ERC2: variants seen among roughly 807,000 people sequenced by gnomAD.
ERC2 encodes the protein ELKS/RAB6-interacting/CAST family member 2, also known as ERC protein 2.
A neutral mutation model predicts 114.8 loss-of-function variants in ERC2; 42 were observed. The observed-to-expected ratio is 0.37, with a 90% CI of 0.29 to 0.47. The LOEUF (loss-of-function observed/expected upper bound fraction) is 0.47. Ranked by LOEUF, ERC2 falls within the 20% of genes least tolerant of loss-of-function variation. The pLI is 0.99. For synonymous variants in ERC2, 454 were observed against 425.5 expected (o/e 1.07, Z -0.82); for missense variants, 939 against 1,150.7 (o/e 0.82, Z 2.66).
At chr3:55,865,313 A>G (rs1168088296) in intron 14 of ERC2, among the ~76,000 whole-genome samples, 2 of 152,190 alleles carry the variant, frequency 1.3e-5, no homozygotes, top group African/African-American at 4.8e-5. Flanking sequence ...GAGCTAAAAA[A>G]TGATTTTGAG....
chr3:56,200,433 G>A (rs558654064), intron 3 of ERC2, among the ~76,000 whole-genome samples: 23 of 151,248 alleles, frequency 1.5e-4, no homozygotes, highest in Middle Eastern at 3.5e-3. Flanking sequence ...AGATTAATCA[G>A]TTCCTCCCAC....
chr3:55,573,306 GTTAT>G (rs1370961104), intron 17 of ERC2, among the ~76,000 whole-genome samples: 1 of 152,210 alleles, frequency 6.6e-6, no homozygotes, highest in African/African-American at 2.4e-5. Flanking sequence ...GTTTTACGGG[GTTAT>G]TTGAGAATTG....
intron 17 of ERC2, among the ~76,000 whole-genome samples, chr3:55,665,044 T>C (rs1489912136): frequency 6.6e-6 from 1 of 152,200 alleles, no homozygotes; most frequent in African/African-American, 2.4e-5. Flanking sequence ...ACAGCCACAT[T>C]CTTCTGCAGT....
chr3:55,605,934 T>C (rs1335195668), intron 17 of ERC2, among the ~76,000 whole-genome samples: 1 of 152,106 alleles, frequency 6.6e-6, no homozygotes, highest in African/African-American at 2.4e-5. Context: ...AAAGCAAAAA[T>C]GCAACTCAAG....
At chr3:56,207,212 T>C (rs1302003522) in intron 3 of ERC2, among the ~76,000 whole-genome samples, 1 of 152,128 alleles carries the variant, frequency 6.6e-6, no homozygotes, top group Non-Finnish European at 1.5e-5. Flanking sequence ...ATTATGTCTA[T>C]TTCAATTCAA....
rs2051958266 is a variant in ERC2 at position 55,509,685 on chromosome 3, G to C, written c.*1631C>G. 1 of 152,544 alleles carries C rather than the reference G, an allele frequency of 6.6e-6. No individual in the cohort carries two copies. The highest frequency in any genetic ancestry group is 2.4e-5 in the African/African-American group (1 of 41,430). The allele number at this position is 152,544 out of a possible 1,614,324, so 9.4% of individuals were successfully genotyped here. A position where few individuals can be genotyped will look rare whatever the true frequency, so the allele number is the denominator to read the frequency against. The stretch of plus-strand genomic sequence containing the variant: ...GGTTTCATCTTCCCCGACAAATAAG[G>C]TGTTTGTCTTTTAAATATCTCTATG... On this transcript the variant is annotated 3_prime_UTR_variant, in exon 18 of 18. Transcript: ENST00000288221.
chr3:56,220,974 T>C (rs1191124394), intron 3 of ERC2, among the ~76,000 whole-genome samples: 1 of 152,188 alleles, frequency 6.6e-6, no homozygotes, highest in East Asian at 1.9e-4. Flanking sequence ...GGTACTCTTA[T>C]CAATGAAAAT....
intron 3 of ERC2, among the ~76,000 whole-genome samples, chr3:56,290,819 C>A (rs2055034550): frequency 6.6e-6 from 1 of 152,294 alleles, no homozygotes; most frequent in Admixed American, 6.5e-5. Context: ...ATTCATGTTA[C>A]CTCTTTCTCC....
intron 11 of ERC2, 128 bp from the exon 12 acceptor site, chr3:55,986,116 G>C: frequency 1.1e-6 from 1 of 895,964 alleles, no homozygotes; most frequent in Non-Finnish European, 1.7e-6. Context: ...TATATCAGCA[G>C]GTTTATAACT....
intron 14 of ERC2, among the ~76,000 whole-genome samples, chr3:55,815,666 A>G (rs2059879466): frequency 6.6e-6 from 1 of 152,122 alleles, no homozygotes; most frequent in Non-Finnish European, 1.5e-5. Context: ...GATAATAAAC[A>G]TGTGATATTT....
rs374981264 is a variant in ERC2, at chr3:55,725,633, TG to T, written c.2712+9137del. 4.0e-3 allele frequency among the ~76,000 whole-genome samples: 612 copies of T among 152,086 alleles called. 3 individuals carry two copies. The highest frequency in any genetic ancestry group is 0.013 in the African/African-American group (549 of 41,460). The stretch of plus-strand genomic sequence containing the variant: ...ATCAACACCTCCTATAGCCAAAGAG[TG>T]CCCATAAGTGCTCCATGCATGTTTA... On this transcript the variant is annotated intron_variant, in intron 15 of 17. Transcript: ENST00000288221.
At chr3:56,225,635 G>A (rs1259222914) in intron 3 of ERC2, among the ~76,000 whole-genome samples, 1 of 152,064 alleles carries the variant, frequency 6.6e-6, no homozygotes, top group Non-Finnish European at 1.5e-5. Context: ...AACCCAAACC[G>A]AAATCCTAAA....
At chr3:56,207,640 T>C (rs1424205377) in intron 3 of ERC2, among the ~76,000 whole-genome samples, 4 of 152,200 alleles carry the variant, frequency 2.6e-5, no homozygotes, top group African/African-American at 9.6e-5. Flanking sequence ...AAGGGAACTT[T>C]TCTCAAGAAG....
rs575617503 is a variant in ERC2 at position 56,149,263 on chromosome 3, T to C, written c.1150-131A>G. On this transcript the variant is annotated intron_variant, in intron 4 of 17. Transcript: ENST00000288221. ...TAACCATGGTATAGACAGCCCTGAATTTAGGACAACTTATTTTTTTTCACA... is the reference window on the plus strand; with the variant it reads ...TAACCATGGTATAGACAGCCCTGAACTTAGGACAACTTATTTTTTTTCACA... The C allele has an allele frequency of 6.6e-4, 543 of 819,366 alleles. 3 individuals are homozygous for C. The African/African-American group carries it at 7.2e-3, about 11-fold the overall frequency. 50.8% of individuals were successfully genotyped at this position (819,366 alleles called of 1,614,324 possible). A position where few individuals can be genotyped will look rare whatever the true frequency, so the allele number is the denominator to read the frequency against.
chr3:56,030,779 G>T (rs1300138730), intron 7 of ERC2, among the ~76,000 whole-genome samples: 3 of 152,126 alleles, frequency 2.0e-5, no homozygotes, highest in African/African-American at 4.8e-5. Flanking sequence ...ATTAATCTAG[G>T]AGTAAGTAAT....
rs543476245 is a variant in ERC2 at position 56,361,702 on chromosome 3, T to G, written c.658-65267A>C. 1.1e-4 allele frequency among the ~76,000 whole-genome samples: 17 copies of G among 152,298 alleles called. No individual in the cohort carries two copies. The East Asian group carries it at 3.3e-3, about 29-fold the overall frequency. ...CAGAAGGGCCATCAGGCACCATCAG[T>G]AAGAGCAGATGATGGCAGCCAAGCC... is the stretch of plus-strand genomic sequence containing the variant. On this transcript the variant is annotated intron_variant, in intron 2 of 17. Transcript: ENST00000288221.
intron 7 of ERC2, among the ~76,000 whole-genome samples, chr3:56,043,111 A>G (rs1390779865): frequency 6.6e-6 from 1 of 152,226 alleles, no homozygotes; most frequent in African/African-American, 2.4e-5. Flanking sequence ...CGCAAAATGA[A>G]AAAAACTCCT....
intron 7 of ERC2, among the ~76,000 whole-genome samples, chr3:56,071,099 A>C (rs1222953646): frequency 6.6e-6 from 1 of 152,166 alleles, no homozygotes; most frequent in African/African-American, 2.4e-5. Flanking sequence ...CTGAGTTCCC[A>C]GTGGGCAGAA....
chr3:56,223,886 G>A (rs2050086873), intron 3 of ERC2, among the ~76,000 whole-genome samples: 1 of 152,148 alleles, frequency 6.6e-6, no homozygotes, highest in Non-Finnish European at 1.5e-5. Context: ...AATTCTACAT[G>A]TTAATTCAAT....
Sources: gnomAD v4.1 joint callset for allele counts (sites outside exome capture counted in the v4.1 genomes callset) on GRCh38, gnomAD v4.1.1 for gene constraint, MANE v1.5 for transcripts, NCBI Gene and HGNC (gene_info 2026-07-23, HGNC 2026-07-21) for gene names.